PEAK1: variants seen among roughly 807,000 people sequenced by gnomAD.
The protein encoded by PEAK1 is pseudopodium enriched atypical kinase 1.
PEAK1 carries 54 observed loss-of-function variants against 124.7 expected under a neutral mutation model. That is an observed-to-expected ratio of 0.43 (90% CI 0.35 to 0.54). The LOEUF is 0.54. Ranked by LOEUF, PEAK1 falls within the 20% of genes least tolerant of loss-of-function variation. The probability of loss-of-function intolerance (pLI) is 0.01; values close to 1 mark genes in which losing one functional copy is unlikely to be tolerated. For missense variants in PEAK1, 2,046 were observed against 2,134.5 expected, an observed-to-expected ratio of 0.96 and a Z score of 0.82; for synonymous variants, 719 against 760.0, an observed-to-expected ratio of 0.95 and a Z score of 0.89.
Position 77,252,523 on chromosome 15 carries a change from T to A in PEAK1, c.-271A>T. 1 of 984,286 alleles carries A rather than the reference T, an allele frequency of 1.0e-6. No individual in the cohort carries two copies. Among genetic ancestry groups the A allele is most frequent in the South Asian group, 4.7e-5 (1 of 21,262 alleles). 61.0% of individuals were successfully genotyped at this position (984,286 alleles called of 1,614,324 possible). ...TCCTTAATTTCTGAAGATAGCAATG[T>A]TTACTGCAAGAGAAAAAAAATAGAG... On this transcript the variant is annotated 5_prime_UTR_variant, in exon 6 of 10. Coordinates refer to ENST00000682557, the MANE Select transcript of PEAK1 (RefSeq NM_001385026.1).
intron 5 of PEAK1, among the ~76,000 whole-genome samples, chr15:77,268,765 A>G (rs1419071523): frequency 1.3e-5 from 2 of 152,150 alleles, no homozygotes; most frequent in African/African-American, 4.8e-5. Context: ...CTGTGAGGCA[A>G]AAGTATCAGG....
At chr15:77,248,231 G>C (rs562784375) in intron 6 of PEAK1, among the ~76,000 whole-genome samples, 13 of 152,214 alleles carry the variant, frequency 8.5e-5, no homozygotes, top group African/African-American at 2.9e-4. Flanking sequence ...TTTGGTAGTT[G>C]AGATGAGGTT....
At chr15:77,279,841 G>T (rs377380426) in intron 5 of PEAK1, among the ~76,000 whole-genome samples, 1 of 152,088 alleles carries the variant, frequency 6.6e-6, no homozygotes, top group African/African-American at 2.4e-5. Flanking sequence ...AGTTTAGCTA[G>T]GAAAAAAAAT....
In PEAK1 at chr15:77,225,716, T is replaced by C. The variant is rs750570198; in HGVS notation, c.-115+26651A>G. 8.0e-4 allele frequency among the ~76,000 whole-genome samples: 100 copies of C among 125,696 alleles called. 1 individual carries two copies. The highest frequency in any genetic ancestry group is 1.1e-3 in the Non-Finnish European group (63 of 59,246). The allele number at this position is 125,696 out of a possible 152,430, so 82.5% of individuals were successfully genotyped here. A position where few individuals can be genotyped will look rare whatever the true frequency, so the allele number is the denominator to read the frequency against. ...TATATATGACAATTCTAGAAAGAAG[T>C]AGAAAGGGTACACCAAGCATGAAGT... On this transcript the variant is annotated intron_variant, in intron 6 of 9. Transcript: ENST00000682557.
At chr15:77,275,146 G>A (rs1597056415) in intron 5 of PEAK1, among the ~76,000 whole-genome samples, 1 of 152,094 alleles carries the variant, frequency 6.6e-6, no homozygotes, top group Non-Finnish European at 1.5e-5. Flanking sequence ...ATGATACAAC[G>A]AACTTTGAGG....
At chr15:77,321,334 T>A (rs1242021014) in intron 2 of PEAK1, among the ~76,000 whole-genome samples, 1 of 152,222 alleles carries the variant, frequency 6.6e-6, no homozygotes, top group East Asian at 1.9e-4. Flanking sequence ...GTTTCCTGAC[T>A]TTTTAATGAT....
At chr15:77,293,948 CTCTT>C (rs1236590529) in intron 2 of PEAK1, among the ~76,000 whole-genome samples, 1 of 152,172 alleles carries the variant, frequency 6.6e-6, no homozygotes, top group African/African-American at 2.4e-5. Flanking sequence ...AAGTCCAAGG[CTCTT>C]TCTATCTTTT....
Position 77,110,965 on chromosome 15 carries a change from C to G in PEAK1, c.*3191G>C, listed in dbSNP as rs1360020179. The stretch of plus-strand genomic sequence containing the variant: ...AGACTAGGTTACCACTCTAACAAGG[C>G]ACTCTGCTATACATTCAGTCTTGCT... On this transcript the variant is annotated 3_prime_UTR_variant, in exon 10 of 10. Transcript: ENST00000682557. 1 of 152,242 alleles carries G rather than the reference C, an allele frequency of 6.6e-6. No homozygotes were observed. Among genetic ancestry groups the G allele is most frequent in the Non-Finnish European group, 1.5e-5 (1 of 68,040 alleles). The allele number at this position is 152,242 out of a possible 1,614,324, so 9.4% of individuals were successfully genotyped here. A position where few individuals can be genotyped will look rare whatever the true frequency, so the allele number is the denominator to read the frequency against.
At chr15:77,216,772 T>G (rs929826140) in intron 6 of PEAK1, among the ~76,000 whole-genome samples, 8 of 152,208 alleles carry the variant, frequency 5.3e-5, no homozygotes, top group African/African-American at 1.9e-4. Flanking sequence ...AAAATTAAAG[T>G]TGAGCAAACT....
Position 77,182,030 on chromosome 15 carries a change from GA to G in PEAK1, c.-105del. On this transcript the variant is annotated 5_prime_UTR_variant, in exon 7 of 10. Transcript: ENST00000682557. ...CTATGTGTTACAGCAGCTCTTCTAA[GA>G]ATGATCAATCTGTGGAGGGGAAAAG... 6.9e-7 allele frequency: 1 copy of G among 1,459,576 alleles called. No individual in the cohort carries two copies. The highest frequency in any genetic ancestry group is 9.0e-7 in the Non-Finnish European group (1 of 1,112,080). The allele number at this position is 1,459,576 out of a possible 1,614,324, so 90.4% of individuals were successfully genotyped here.
upstream of PEAK1, chr15:77,420,607 T>C (rs2073290878): frequency 2.9e-6 from 1 of 348,154 alleles, no homozygotes; most frequent in South Asian, 1.5e-4. Context: ...TCTTCTACTT[T>C]CTGCGGGCCT....
intron 6 of PEAK1, among the ~76,000 whole-genome samples, chr15:77,225,266 G>C (rs2059578371): frequency 6.6e-6 from 1 of 151,954 alleles, no homozygotes; most frequent in African/African-American, 2.4e-5. Context: ...CCTGTTAAGA[G>C]TCTGGTGTGT....
intron 5 of PEAK1, among the ~76,000 whole-genome samples, chr15:77,263,462 G>A (rs2061548131): frequency 6.6e-6 from 1 of 152,068 alleles, no homozygotes; most frequent in Non-Finnish European, 1.5e-5. Flanking sequence ...TACCATCAGA[G>A]AATACTATAA....
chr15:77,297,985 G>A (rs1341000526), intron 2 of PEAK1, among the ~76,000 whole-genome samples: 1 of 140,240 alleles, frequency 7.1e-6, no homozygotes. Context: ...GTGAAGCCGG[G>A]AAGCGGAGCT....
chr15:77,271,486 C>T (rs1159831875), intron 5 of PEAK1, among the ~76,000 whole-genome samples: 5 of 152,040 alleles, frequency 3.3e-5, no homozygotes, highest in East Asian at 3.9e-4. Flanking sequence ...CATATGTATG[C>T]TTATTGTGGC....
chr15:77,343,482 C>CT (rs60121928), intron 2 of PEAK1, among the ~76,000 whole-genome samples: 32 of 97,952 alleles, frequency 3.3e-4, no homozygotes, highest in African/African-American at 9.6e-4. Context: ...GTCCAACTTA[C>CT]TTTTTTTTTT....
At chr15:77,176,193 G>T (rs1465750754) in intron 7 of PEAK1, among the ~76,000 whole-genome samples, 1 of 144,630 alleles carries the variant, frequency 6.9e-6, no homozygotes, top group East Asian at 2.0e-4. Flanking sequence ...CATGGCACAT[G>T]TATACATATG....
intron 2 of PEAK1, chr15:77,335,566 A>T: frequency 1.1e-6 from 1 of 907,230 alleles, no homozygotes; most frequent in Non-Finnish European, 1.3e-6. Context: ...TGCAGCCATG[A>T]AGTCTGGGCT....
intron 1 of PEAK1, chr15:77,371,177 G>A: frequency 2.0e-6 from 2 of 979,910 alleles, no homozygotes; most frequent in Non-Finnish European, 2.4e-6. Flanking sequence ...CATTATTTTG[G>A]TTACCTTTTT....
Sources: gnomAD v4.1 joint callset for allele counts (sites outside exome capture counted in the v4.1 genomes callset) on GRCh38, gnomAD v4.1.1 for gene constraint, MANE v1.5 for transcripts, NCBI Gene and HGNC (gene_info 2026-07-23, HGNC 2026-07-21) for gene names.